The following EFHB variants were observed in gnomAD, a reference collection of about 807,000 sequenced individuals.
The protein encoded by EFHB is EF-hand domain-containing family member B.
Under a neutral mutation model 87.2 loss-of-function variants are expected in EFHB, and 91 were observed. That is an observed-to-expected ratio of 1.04 (90% confidence interval 0.88 to 1.24). The LOEUF (loss-of-function observed/expected upper bound fraction) is 1.24. Among genes scored for constraint, EFHB ranks in the 50% most tolerant of loss-of-function variants. The probability of loss-of-function intolerance (pLI) is 0.00; values close to 1 mark genes in which losing one functional copy is unlikely to be tolerated. For synonymous variants in EFHB, 325 were observed against 333.6 expected, an observed-to-expected ratio of 0.97 and a Z score of 0.28; for missense variants, 1,084 against 998.8, an observed-to-expected ratio of 1.09 and a Z score of -1.15.
chr3:19,902,536 G>A (rs2125133266), intron 6 of EFHB, among the ~76,000 whole-genome samples: 1 of 151,996 alleles, frequency 6.6e-6, no homozygotes, highest in African/African-American at 2.4e-5. Flanking sequence ...TGTATTTTTA[G>A]TAGAGACAGG....
rs759216974 is a variant in EFHB at position 19,918,328 on chromosome 3, G to C, written c.1081C>G (p.Arg361Gly). The C allele has an allele frequency of 6.2e-7, 1 of 1,612,978 alleles. No individual in the cohort carries two copies. Among genetic ancestry groups the C allele is most frequent in the African/African-American group, 1.3e-5 (1 of 74,882 alleles). Residue 361 changes from arginine (R) to glycine (G), a missense_variant, in exon 4 of 13, where the codon CGA (arginine) becomes GGA (glycine). Arg to Gly is a moderately radical substitution (Grantham distance 125). Transcript: ENST00000295824. Reference protein sequence around the residue: ...DKKESIYLSNRRAPLGKSHDQ... With the variant: ...DKKESIYLSNGRAPLGKSHDQ... ...TGAGATTTTCCTAATGGTGCTCGTC[G>C]ATTGCTAAGATATATAGATTCTTTT...
chr3:19,887,884 A>T (rs1218256310), intron 10 of EFHB, among the ~76,000 whole-genome samples: 2 of 152,328 alleles, frequency 1.3e-5, no homozygotes, highest in East Asian at 3.9e-4. Context: ...CTACTCAGAT[A>T]ATCGTTTTTA....
At chr3:19,941,137 T>C in intron 1 of EFHB, 1 of 381,258 alleles carries the variant, frequency 2.6e-6, no homozygotes, top group Non-Finnish European at 4.9e-6. Context: ...TTGGAGAAGC[T>C]TCTGAATCCT....
chr3:19,945,935 G>C (rs1411261988), intron 1 of EFHB: 1 of 152,074 alleles, frequency 6.6e-6, no homozygotes, highest in African/African-American at 2.4e-5. Flanking sequence ...AAACTGAAAA[G>C]TAGCCTTTAT....
At chr3:19,895,997 T>C (rs1012586976) in intron 9 of EFHB, among the ~76,000 whole-genome samples, 1 of 152,096 alleles carries the variant, frequency 6.6e-6, no homozygotes, top group Non-Finnish European at 1.5e-5. Context: ...AAATTTAGAG[T>C]AGCTTGAACA....
At chr3:19,894,989 A>AAAAT (rs369564576) in intron 9 of EFHB, 74 of 144,514 alleles carry the variant, frequency 5.1e-4, no homozygotes, top group Admixed American at 1.3e-3. Flanking sequence ...TGTCTCAAAA[A>AAAAT]ATATATATAT....
At chr3:19,901,221 G>A (rs908639124) in intron 6 of EFHB, among the ~76,000 whole-genome samples, 1 of 152,158 alleles carries the variant, frequency 6.6e-6, no homozygotes, top group Non-Finnish European at 1.5e-5. Flanking sequence ...GATAATAATG[G>A]CTGAATTAAA....
intron 9 of EFHB, 180 bp downstream of exon 9, chr3:19,896,507 G>A (rs1212192747): frequency 4.7e-6 from 4 of 845,626 alleles, no homozygotes; most frequent in Non-Finnish European, 7.7e-6. Context: ...TGCAAAAGCA[G>A]CCACAGACAA....
chr3:19,881,754 G>A (rs868544380), intron 12 of EFHB, among the ~76,000 whole-genome samples: 2 of 152,064 alleles, frequency 1.3e-5, no homozygotes, highest in Non-Finnish European at 2.9e-5. Context: ...TTCATCTGAA[G>A]TCCGAAAAGA....
chr3:19,882,409 G>C, intron 12 of EFHB, 141 bp downstream of exon 12: 5 of 768,928 alleles, frequency 6.5e-6, no homozygotes, highest in Non-Finnish European at 9.3e-6. Context: ...TCACAACCAA[G>C]TTGAGGATTA....
intron 1 of EFHB, among the ~76,000 whole-genome samples, chr3:19,925,612 G>C (rs556240180): frequency 3.3e-5 from 5 of 152,100 alleles, no homozygotes; most frequent in African/African-American, 1.2e-4. Context: ...CTCTTTGCTC[G>C]GTCCCTAACA....
At chr3:19,887,024 T>A (rs1694125114) in intron 10 of EFHB, among the ~76,000 whole-genome samples, 1 of 152,066 alleles carries the variant, frequency 6.6e-6, no homozygotes, top group South Asian at 2.1e-4. Context: ...TCATAATATA[T>A]CAGCATGAGG....
At chr3:19,943,999 T>C (rs773714365) in intron 1 of EFHB, among the ~76,000 whole-genome samples, 9 of 152,308 alleles carry the variant, frequency 5.9e-5, no homozygotes, top group Admixed American at 1.3e-4. Context: ...GTCCCTTAGG[T>C]AGATGACATT....
At chr3:19,945,035 A>G (rs181283567) in intron 1 of EFHB, among the ~76,000 whole-genome samples, 179 of 152,352 alleles carry the variant, frequency 1.2e-3, no homozygotes, top group South Asian at 4.1e-4. Context: ...TACAGAAAAA[A>G]TAATAATTGA....
chr3:19,921,298 G>T (rs1013841632), intron 1 of EFHB, among the ~76,000 whole-genome samples: 1 of 125,586 alleles, frequency 8.0e-6, no homozygotes, highest in Non-Finnish European at 1.9e-5. Context: ...CTTTTAGTGA[G>T]AGAGTCTTTA....
At chr3:19,920,073 G>T in intron 2 of EFHB, 97 bp from the exon 3 acceptor site, 17 of 1,251,328 alleles carry the variant, frequency 1.4e-5, no homozygotes, top group Non-Finnish European at 1.9e-5. Flanking sequence ...TTAAGTGCAT[G>T]TATGTAGTAA....
At chr3:19,921,295 TGA>T (rs145049246) in intron 1 of EFHB, among the ~76,000 whole-genome samples, 13,877 of 151,970 alleles carry the variant, frequency 0.091, 725 homozygotes, top group Middle Eastern at 0.15. Flanking sequence ...TTCCTTTTAG[TGA>T]GAGAGTCTTT....
chr3:19,908,582 G>GAA (rs1694927509), intron 5 of EFHB, among the ~76,000 whole-genome samples: 1 of 118,198 alleles, frequency 8.5e-6, no homozygotes, highest in Non-Finnish European at 1.7e-5. Context: ...GAGAGAGAGA[G>GAA]AGAGAGAGAG....
At chr3:19,899,353 C>A in intron 7 of EFHB, 79 bp downstream of exon 7, 1 of 943,288 alleles carries the variant, frequency 1.1e-6, no homozygotes, top group South Asian at 1.9e-5. Flanking sequence ...ATCTAATAGG[C>A]ACACCAACAG....
Sources: gnomAD v4.1 joint callset for allele counts (sites outside exome capture counted in the v4.1 genomes callset) on GRCh38, gnomAD v4.1.1 for gene constraint, MANE v1.5 for transcripts, NCBI Gene and HGNC (gene_info 2026-07-23, HGNC 2026-07-21) for gene names.